UBR4: variants seen among roughly 807,000 people sequenced by gnomAD.
The protein encoded by UBR4 is ubiquitin protein ligase E3 component n-recognin 4.
A neutral mutation model predicts 575.6 loss-of-function variants in UBR4; 124 were observed. The ratio of observed to expected loss-of-function variants is 0.22; its 90% CI spans 0.19 to 0.25. The LOEUF is 0.25. Ranked by LOEUF, UBR4 falls within the 10% of genes least tolerant of loss-of-function variation. The probability of loss-of-function intolerance (pLI) is 1.00; values close to 1 mark genes in which losing one functional copy is unlikely to be tolerated. For synonymous variants in UBR4, 2,455 were observed against 2,473.7 expected, an observed-to-expected ratio of 0.99 and a Z score of 0.22; for missense variants, 4,818 against 6,478.8, an observed-to-expected ratio of 0.74 and a Z score of 8.80.
intron 29 of UBR4, among the ~76,000 whole-genome samples, 174 bp downstream of exon 29, chr1:19,166,848 G>A (rs1425720372): frequency 1.1e-4 from 16 of 150,552 alleles, no homozygotes; most frequent in African/African-American, 3.9e-4. Flanking sequence ...AGAGGTTGCA[G>A]TGACCCCACT....
At chr1:19,108,464 C>G (rs983366059) in intron 81 of UBR4, among the ~76,000 whole-genome samples, 2 of 152,088 alleles carry the variant, frequency 1.3e-5, no homozygotes, top group Non-Finnish European at 2.9e-5. Context: ...CTTTTCTCAG[C>G]ACAACTGCTG....
Position 19,110,751 on chromosome 1 carries a change from G to T in UBR4, c.11883C>A (p.Asn3961Lys), listed in dbSNP as rs767767857. 2.3e-5 allele frequency: 37 copies of T among 1,614,162 alleles called. No homozygotes were observed. The highest frequency in any genetic ancestry group is 3.1e-5 in the Non-Finnish European group (36 of 1,180,022). The part of the protein sequence containing the change: ...VSTALKGHWA[N>K]PDLASSLQYE... ...TGCTAGGCCGGCTCACCAGATCGGG[G>T]TTGGCCCAGTGGCCCTTCAGGGCTG... is the stretch of plus-strand genomic sequence containing the variant. The change falls in exon 79 of 106, where the codon AAC becomes AAA. Residue 3961 changes from asparagine to lysine, a missense_variant. Asn to Lys is a moderately conservative substitution (Grantham distance 94). This residue lies in a region of UBR4 where 333 missense variants were observed against 459.2 expected (regional missense o/e 0.73). Transcript: ENST00000375254. The surrounding 1 kb of genome is among the most constrained non-coding windows in gnomAD (Gnocchi z 4.5).
intron 49 of UBR4, 100 bp from the exon 50 acceptor site, chr1:19,148,726 A>C: frequency 8.0e-7 from 1 of 1,253,276 alleles, no homozygotes; most frequent in African/African-American, 1.5e-5. Context: ...GGGACAGCTA[A>C]TGAATGCCAA....
At chr1:19,082,821 G>A (rs2076648654) in intron 102 of UBR4, among the ~76,000 whole-genome samples, 1 of 152,160 alleles carries the variant, frequency 6.6e-6, no homozygotes, top group Non-Finnish European at 1.5e-5. Flanking sequence ...GCTGCTGCAG[G>A]ATCTGCTCAG....
chr1:19,155,616 G>A lies in UBR4; in HGVS notation c.6125C>T (p.Pro2042Leu). 6.2e-7 allele frequency: 1 copy of A among 1,614,114 alleles called. No homozygotes were observed. Among genetic ancestry groups the A allele is most frequent in the Non-Finnish European group, 8.5e-7 (1 of 1,180,012 alleles). Residue 2042 changes from proline to leucine, a missense_variant, in exon 43 of 106, where the codon CCA (proline) becomes CTA (leucine). Physicochemically the swap from Pro to Leu is moderately conservative, Grantham distance 98. Around this residue, in one of 29 missense-constraint regions of UBR4, gnomAD observed 461 missense variants for 606.9 expected, o/e 0.76. Coordinates refer to ENST00000375254, the MANE Select transcript of UBR4 (RefSeq NM_020765.3). The stretch of plus-strand genomic sequence containing the variant: ...GGTAACATCTCTTATCTTTGAGCTT[G>A]GCAGGAGAAAATAGAAGGTTGGACT... ...ALSPTFYFLLPSSKIRDVTFL... is the reference protein window; with the variant it reads ...ALSPTFYFLLLSSKIRDVTFL...
intron 17 of UBR4, 59 bp downstream of exon 17, chr1:19,183,752 G>A: frequency 1.3e-6 from 2 of 1,521,180 alleles, no homozygotes; most frequent in Non-Finnish European, 1.8e-6. Context: ...AATTGGAGCT[G>A]CAGCCTATGG....
At chr1:19,208,238 C>T (rs2093107417) in intron 1 of UBR4, among the ~76,000 whole-genome samples, 2 of 152,128 alleles carry the variant, frequency 1.3e-5, no homozygotes, top group South Asian at 2.1e-4. Context: ...GAGGCCAAGG[C>T]GGGTGGATCA....
intron 54 of UBR4, 118 bp downstream of exon 54, chr1:19,144,668 C>A: frequency 7.2e-7 from 1 of 1,398,130 alleles, no homozygotes; most frequent in Non-Finnish European, 9.6e-7. Context: ...ATATTTGAAA[C>A]TTCATTCCCT....
At chr1:19,141,588 A>G in intron 56 of UBR4, 59 bp downstream of exon 56, 1 of 1,603,682 alleles carries the variant, frequency 6.2e-7, no homozygotes, top group Non-Finnish European at 8.5e-7. Context: ...TCCACTGAAT[A>G]AGAGCTAGAG....
rs750279328 is a variant in UBR4, at chr1:19,126,533, C to T, written c.9351G>A (p.Glu3117=). ...EYWKSQQNDE[E]PVATSQLLKP... ...TCAGCAACTGGCTGGTAGCCACAGG[C>T]TCCTCGTCATTCTGTTGGCTCTTCC... The change falls in exon 64 of 106, where the codon GAG becomes GAA. Residue 3117 remains glutamate, a synonymous_variant. Transcript: ENST00000375254. 19 of 1,614,166 alleles carry T rather than the reference C, an allele frequency of 1.2e-5. No individual in the cohort carries two copies. In the South Asian group the frequency reaches 2.0e-4, roughly 17 times the overall value.
chr1:19,187,344 G>A (rs746112351), intron 12 of UBR4, 43 bp from the exon 13 acceptor site: 3 of 1,608,560 alleles, frequency 1.9e-6, no homozygotes, highest in East Asian at 2.2e-5. Flanking sequence ...ATACTACTCA[G>A]CCAGAAAAAA....
At chr1:19,167,600 G>A (rs1309889072) in intron 28 of UBR4, among the ~76,000 whole-genome samples, 1 of 152,050 alleles carries the variant, frequency 6.6e-6, no homozygotes, top group Non-Finnish European at 1.5e-5. Flanking sequence ...ATCACTTTTA[G>A]GGCAATACAA....
intron 1 of UBR4, among the ~76,000 whole-genome samples, chr1:19,204,403 G>C (rs996165164): frequency 6.6e-6 from 1 of 151,950 alleles, no homozygotes; most frequent in Non-Finnish European, 1.5e-5. Context: ...TATTTCCAAA[G>C]TTCAGAGCTG....
rs1258984905 is a variant in UBR4, at chr1:19,153,314, T to C, written c.6819A>G (p.Lys2273=). The C allele has an allele frequency of 1.2e-6, 2 of 1,614,152 alleles. No homozygotes were observed. Among genetic ancestry groups the C allele is most frequent in the Non-Finnish European group, 1.7e-6 (2 of 1,179,996 alleles). Residue 2273 remains lysine (K), a synonymous_variant, in exon 46 of 106, where the codon AAA becomes AAG. Coordinates refer to ENST00000375254, the MANE Select transcript of UBR4 (RefSeq NM_020765.3). This position sits in a 1 kb window ranked among gnomAD's most constrained non-coding sequence, Gnocchi z 4.1. The stretch of plus-strand genomic sequence containing the variant: ...AAGGAGCCTTACTGATTGTAGCTGT[T>C]TTGCGCTTTCGAACAGGCTTCATGA... ...ISIMKPVRKR[K]TATITTRTSS...
chr1:19,136,446 T>C (rs1231419559), intron 60 of UBR4, among the ~76,000 whole-genome samples: 2 of 152,186 alleles, frequency 1.3e-5, no homozygotes, highest in Non-Finnish European at 2.9e-5. Flanking sequence ...AAGGTAAGTA[T>C]GCATGTTAAA....
intron 105 of UBR4, among the ~76,000 whole-genome samples, chr1:19,076,309 A>C (rs2075933466): frequency 6.6e-6 from 1 of 152,236 alleles, no homozygotes; most frequent in Admixed American, 6.5e-5. Flanking sequence ...GGAGGAAGAC[A>C]GGGGCATTCC....
rs1315345426 is a variant in UBR4, at chr1:19,114,868, G to C, written c.11145C>G (p.Leu3715=). 1.9e-6 allele frequency: 3 copies of C among 1,614,102 alleles called. No individual in the cohort carries two copies. In the Admixed American group the frequency reaches 5.0e-5, roughly 27 times the overall value. The change falls in exon 75 of 106, where the codon CTC becomes CTG. Residue 3715 remains leucine (L), a synonymous_variant. Coordinates refer to ENST00000375254, the MANE Select transcript of UBR4 (RefSeq NM_020765.3). ...CCACTGCACAGCAAGGCTTGGCATA[G>C]AGCATGAAGTCGAAGCGGGCATATT... The part of the protein sequence containing the change: ...FCKYARFDFM[L]YAKPCCAVDP...
At chr1:19,197,904 A>C in intron 6 of UBR4, 43 bp downstream of exon 6, 1 of 1,612,418 alleles carries the variant, frequency 6.2e-7, no homozygotes, top group Non-Finnish European at 8.5e-7. Flanking sequence ...GGAATTTTTG[A>C]CAGCCCAGAA....
chr1:19,177,561 G>A lies in UBR4; in HGVS notation c.2537C>T (p.Ala846Val). Residue 846 changes from alanine to valine, a missense_variant, in exon 19 of 106, where the codon GCT (alanine) becomes GTT (valine). Ala to Val is a moderately conservative substitution (Grantham distance 64, BLOSUM62 0). Around this residue, in one of 29 missense-constraint regions of UBR4, gnomAD observed 1,172 missense variants for 1,259.7 expected, o/e 0.93. Coordinates refer to ENST00000375254, the MANE Select transcript of UBR4 (RefSeq NM_020765.3). The stretch of plus-strand genomic sequence containing the variant: ...GATAAGCGGCACGAAGCGCATCTGA[G>A]CATCCATGTTGACGCTCAACTCCTG... ...IIQELSVNMD[A>V]QMRFVPLILA... is the part of the protein sequence containing the mutation. 2.5e-6 allele frequency: 4 copies of A among 1,614,016 alleles called. No homozygotes were observed. The highest frequency in any genetic ancestry group is 2.2e-5 in the South Asian group (2 of 91,080).
Sources: gnomAD v4.1 joint callset for allele counts (sites outside exome capture counted in the v4.1 genomes callset) on GRCh38, gnomAD v4.1.1 for gene constraint, gnomAD v4.1.1 regional missense constraint, Gnocchi (gnomAD v3.1) non-coding constraint, MANE v1.5 for transcripts, NCBI Gene and HGNC (gene_info 2026-07-23, HGNC 2026-07-21) for gene names.